The following NXPE2 variants were observed in gnomAD, a reference collection of about 807,000 sequenced individuals.
NXPE2 encodes NXPE family member 2.
NXPE2 carries 34 observed loss-of-function variants against 34.4 expected under a neutral mutation model. That is an observed-to-expected ratio of 0.99 (90% CI 0.75 to 1.31). NXPE2 has a LOEUF of 1.31. Among genes scored for constraint, NXPE2 ranks in the 40% most tolerant of loss-of-function variants. The pLI is 0.00. For missense variants in NXPE2, 649 were observed against 672.5 expected (o/e 0.97, Z 0.39); for synonymous variants, 235 against 231.3 (o/e 1.02, Z -0.15).
the NXPE2 span, among the ~76,000 whole-genome samples, chr11:114,539,723 G>A: frequency 6.6e-6 from 1 of 152,054 alleles, no homozygotes; most frequent in African/African-American, 2.4e-5. Context: ...ACTAGCCCTA[G>A]TGTAAATTAT....
chr11:114,619,962 G>A, the NXPE2 span, among the ~76,000 whole-genome samples: 19 of 151,114 alleles, frequency 1.3e-4, no homozygotes, highest in Middle Eastern at 3.4e-3. Context: ...GTGTTGCCTC[G>A]TGAGTAACCA....
chr11:114,760,837 G>T, the NXPE2 span, among the ~76,000 whole-genome samples: 3 of 152,100 alleles, frequency 2.0e-5, no homozygotes, highest in Non-Finnish European at 4.4e-5. Context: ...TTAATCAAAA[G>T]AACAGCTTTC....
chr11:114,730,485 T>C, the NXPE2 span, among the ~76,000 whole-genome samples: 1 of 152,200 alleles, frequency 6.6e-6, no homozygotes, highest in Non-Finnish European at 1.5e-5. Context: ...TGTAGACTGC[T>C]TTGGGCAGTA....
At chr11:114,679,040 A>T (rs1014364525) in intron 1 of NXPE2, among the ~76,000 whole-genome samples, 1 of 151,926 alleles carries the variant, frequency 6.6e-6, no homozygotes, top group East Asian at 1.9e-4. Context: ...GGTTTTAAAA[A>T]CTAACACTGA....
the NXPE2 span, among the ~76,000 whole-genome samples, chr11:114,483,224 T>C: frequency 6.6e-6 from 1 of 152,212 alleles, no homozygotes; most frequent in African/African-American, 2.4e-5. Context: ...CAGACTGCTT[T>C]GGTTTAAACC....
the NXPE2 span, chr11:114,570,699 TA>T: frequency 8.3e-6 from 3 of 360,150 alleles, no homozygotes; most frequent in Non-Finnish European, 1.5e-5. Context: ...TGAAGAGGGG[TA>T]TGGCTCTGAT....
At chr11:114,716,371 C>A in the NXPE2 span, among the ~76,000 whole-genome samples, 1 of 152,150 alleles carries the variant, frequency 6.6e-6, no homozygotes, top group Non-Finnish European at 1.5e-5. Flanking sequence ...GGAGATCACT[C>A]CATTTTCTGC....
At chr11:114,685,107 A>G (rs1417900396) in intron 2 of NXPE2, among the ~76,000 whole-genome samples, 1 of 152,214 alleles carries the variant, frequency 6.6e-6, no homozygotes, top group African/African-American at 2.4e-5. Flanking sequence ...GGAGAACAAG[A>G]TATCTTAGGG....
chr11:114,509,761 G>T, the NXPE2 span, among the ~76,000 whole-genome samples: 1 of 152,110 alleles, frequency 6.6e-6, no homozygotes, highest in African/African-American at 2.4e-5. Context: ...CACACACAGG[G>T]GCCTGTTGGA....
the NXPE2 span, among the ~76,000 whole-genome samples, chr11:114,497,114 C>T: frequency 3.9e-5 from 6 of 152,064 alleles, no homozygotes; most frequent in African/African-American, 1.4e-4. Flanking sequence ...GAGATGACCC[C>T]CCCATGTTAC....
the NXPE2 span, among the ~76,000 whole-genome samples, chr11:114,811,371 G>T: frequency 1.3e-5 from 2 of 151,692 alleles, no homozygotes; most frequent in Non-Finnish European, 2.9e-5. Context: ...AAAAGAGAAA[G>T]AAATGGCTTT....
the NXPE2 span, among the ~76,000 whole-genome samples, chr11:114,775,232 C>T: frequency 1.3e-5 from 2 of 152,304 alleles, no homozygotes; most frequent in Non-Finnish European, 1.5e-5. Context: ...CAGATCTAGG[C>T]CGTACGCTTT....
At chr11:114,772,542 A>G in the NXPE2 span, among the ~76,000 whole-genome samples, 3 of 152,136 alleles carry the variant, frequency 2.0e-5, no homozygotes, top group African/African-American at 7.2e-5. Context: ...GAACAGTGCT[A>G]GCTTCTTTGA....
intron 3 of NXPE2, among the ~76,000 whole-genome samples, chr11:114,701,509 T>TC (rs1371058092): frequency 1.3e-5 from 2 of 152,092 alleles, no homozygotes; most frequent in South Asian, 2.1e-4. Context: ...CCTTCCCAGA[T>TC]CCCCTGCTCT....
At chr11:114,806,625 GC>G in the NXPE2 span, among the ~76,000 whole-genome samples, 1 of 152,162 alleles carries the variant, frequency 6.6e-6, no homozygotes, top group African/African-American at 2.4e-5. Flanking sequence ...ATGAAATGAA[GC>G]GAGAAGAGAA....
chr11:114,699,940 C>A (rs1004430342), intron 3 of NXPE2, among the ~76,000 whole-genome samples: 1 of 152,008 alleles, frequency 6.6e-6, no homozygotes. Flanking sequence ...ACCACAGGCA[C>A]CTGCCACCAC....
the NXPE2 span, chr11:114,522,884 A>T: frequency 1.9e-6 from 3 of 1,610,138 alleles, no homozygotes; most frequent in Non-Finnish European, 2.5e-6. Flanking sequence ...CCTACTTTTT[A>T]CAACTTTGGG....
chr11:114,697,719 G>C (rs1045673944), intron 2 of NXPE2, among the ~76,000 whole-genome samples: 1 of 152,078 alleles, frequency 6.6e-6, no homozygotes, highest in African/African-American at 2.4e-5. Flanking sequence ...TGATAATATG[G>C]TTTTTAAAAA....
chr11:114,533,301 C>T, the NXPE2 span, among the ~76,000 whole-genome samples: 13 of 152,184 alleles, frequency 8.5e-5, no homozygotes, highest in East Asian at 1.5e-3. Context: ...TACATTCGAG[C>T]GGGGTGGAGC....
Sources: gnomAD v4.1 joint callset for allele counts (sites outside exome capture counted in the v4.1 genomes callset) on GRCh38, gnomAD v4.1.1 for gene constraint, MANE v1.5 for transcripts, NCBI Gene and HGNC (gene_info 2026-07-23, HGNC 2026-07-21) for gene names.